SOX6: variants seen among roughly 807,000 people sequenced by gnomAD.
The protein encoded by SOX6 is SRY-box transcription factor 6.
In SOX6, 11 loss-of-function variants were observed where a neutral mutation model predicts 97.8. That is an observed-to-expected ratio of 0.11 (90% CI 0.07 to 0.19). The LOEUF (loss-of-function observed/expected upper bound fraction) is 0.19. Among genes scored for constraint, SOX6 ranks in the 10% least tolerant of loss-of-function variants. SOX6 has a pLI of 1.00. For missense variants in SOX6, 810 were observed against 1,039.5 expected (o/e 0.78, Z 3.04); for synonymous variants, 360 against 371.4 (o/e 0.97, Z 0.35).
At chr11:16,624,184 T>TTTTTTTTATTTATTTA (rs1554979379) in intron 3 of SOX6, among the ~76,000 whole-genome samples, 3 of 147,232 alleles carry the variant, frequency 2.0e-5, no homozygotes, top group Non-Finnish European at 3.0e-5. Flanking sequence ...TATTTTTTTA[T>TTTTTTTTATTTATTTA]TTTATTTATT....
At chr11:16,595,119 A>C (rs116539950) in intron 4 of SOX6, among the ~76,000 whole-genome samples, 1,689 of 152,136 alleles carry the variant, frequency 0.011, 23 homozygotes, top group African/African-American at 0.039. Flanking sequence ...GTTTTCTATA[A>C]ATTTCACGTC....
chr11:15,970,919 C>G lies in SOX6; in HGVS notation c.*1890G>C, dbSNP rs1447371549. On this transcript the variant is annotated 3_prime_UTR_variant, in exon 16 of 16. Coordinates refer to ENST00000683767, the MANE Select transcript of SOX6 (RefSeq NM_001367873.1). Reference sequence around the variant, plus strand: ...CTAAACCTCTCTGGGGGAAGCCCCCCGATAGACAACCTGTCCTAGTTTCAG... The same window carrying G: ...CTAAACCTCTCTGGGGGAAGCCCCCGGATAGACAACCTGTCCTAGTTTCAG... 6.6e-6 allele frequency: 1 copy of G among 152,580 alleles called. No homozygotes were observed. Among genetic ancestry groups the G allele is most frequent in the African/African-American group, 2.4e-5 (1 of 41,442 alleles). 9.5% of individuals were successfully genotyped at this position (152,580 alleles called of 1,614,324 possible). A position where few individuals can be genotyped will look rare whatever the true frequency, so the allele number is the denominator to read the frequency against.
intron 13 of SOX6, among the ~76,000 whole-genome samples, chr11:16,013,786 T>C (rs562172107): frequency 1.3e-5 from 2 of 152,136 alleles, no homozygotes; most frequent in African/African-American, 4.8e-5. Context: ...GGCTTCCTAA[T>C]GTCTAATACT....
chr11:16,056,146 A>T (rs996184907), intron 9 of SOX6, among the ~76,000 whole-genome samples: 7 of 151,992 alleles, frequency 4.6e-5, no homozygotes, highest in Non-Finnish European at 1.0e-4. Context: ...AAAGGATTTG[A>T]TCTCTTTAGA....
chr11:16,677,720 T>C (rs541132558), intron 3 of SOX6, among the ~76,000 whole-genome samples: 1 of 152,324 alleles, frequency 6.6e-6, no homozygotes, highest in Non-Finnish European at 1.5e-5. Context: ...GTCAGAGTAA[T>C]GCTAGCCTCA....
intron 8 of SOX6, among the ~76,000 whole-genome samples, chr11:16,096,798 A>G (rs1014323438): frequency 6.6e-6 from 1 of 151,930 alleles, no homozygotes; most frequent in Non-Finnish European, 1.5e-5. Flanking sequence ...TTTCTACTAT[A>G]TTGAAGTCAA....
At chr11:16,230,842 TA>T (rs1852826334) in intron 4 of SOX6, among the ~76,000 whole-genome samples, 1 of 151,724 alleles carries the variant, frequency 6.6e-6, no homozygotes, top group African/African-American at 2.4e-5. Flanking sequence ...AATAAAAGTT[TA>T]GATGGAAAAA....
intron 6 of SOX6, among the ~76,000 whole-genome samples, chr11:16,175,555 T>C (rs1238232960): frequency 1.3e-5 from 2 of 151,938 alleles, no homozygotes; most frequent in African/African-American, 2.4e-5. Context: ...ATAACACATC[T>C]TATTCTCTAC....
upstream of SOX6, among the ~76,000 whole-genome samples, chr11:16,359,065 G>C (rs1370187032): frequency 6.6e-6 from 1 of 150,962 alleles, no homozygotes; most frequent in East Asian, 1.9e-4. Flanking sequence ...AAAGTGATAG[G>C]ATAAGAAACC....
At chr11:16,436,786 G>C (rs766369490) in intron 1 of SOX6, among the ~76,000 whole-genome samples, 4 of 152,046 alleles carry the variant, frequency 2.6e-5, no homozygotes, top group Non-Finnish European at 5.9e-5. Flanking sequence ...ATGACACTTC[G>C]CTCTCATTTT....
chr11:16,730,262 G>A (rs1848339703), intron 2 of SOX6, among the ~76,000 whole-genome samples: 3 of 152,036 alleles, frequency 2.0e-5, no homozygotes, highest in Admixed American at 2.0e-4. Flanking sequence ...GACATCTACA[G>A]AACTCTCCAC....
At chr11:16,581,960 CAAAAAAAAA>C (rs35137027) in intron 4 of SOX6, among the ~76,000 whole-genome samples, 2 of 106,500 alleles carry the variant, frequency 1.9e-5, no homozygotes, top group Non-Finnish European at 2.0e-5. Flanking sequence ...GACTCCATCT[CAAAAAAAAA>C]AAAAAAAAGA....
chr11:16,512,751 T>C (rs746605732), intron 4 of SOX6, among the ~76,000 whole-genome samples: 24 of 152,218 alleles, frequency 1.6e-4, no homozygotes, highest in Non-Finnish European at 1.9e-4. Context: ...TTTGACAACT[T>C]CTGGCACAGG....
At chr11:16,201,843 C>A (rs1851949699) in intron 4 of SOX6, among the ~76,000 whole-genome samples, 1 of 135,384 alleles carries the variant, frequency 7.4e-6, no homozygotes, top group Non-Finnish European at 1.5e-5. Context: ...CCGTTTTAGC[C>A]GGGATGGTCT....
At chr11:16,136,046 G>A (rs1244907295) in intron 6 of SOX6, among the ~76,000 whole-genome samples, 2 of 152,030 alleles carry the variant, frequency 1.3e-5, no homozygotes, top group African/African-American at 2.4e-5. Flanking sequence ...TTGAGGTAGA[G>A]ACTTGCTGTG....
intron 3 of SOX6, among the ~76,000 whole-genome samples, chr11:16,675,458 T>G (rs1443278864): frequency 6.6e-6 from 1 of 152,356 alleles, no homozygotes; most frequent in South Asian, 2.1e-4. Context: ...GCCATAGATA[T>G]ACAATTATTG....
chr11:16,641,453 G>C (rs1205803393), intron 3 of SOX6, among the ~76,000 whole-genome samples: 3 of 152,178 alleles, frequency 2.0e-5, no homozygotes, highest in African/African-American at 7.2e-5. Flanking sequence ...TCAATTCCTG[G>C]ATATCCTTGT....
At chr11:16,737,482 AG>A (rs1372343554) in intron 1 of SOX6, among the ~76,000 whole-genome samples, 2 of 151,978 alleles carry the variant, frequency 1.3e-5, no homozygotes, top group African/African-American at 4.8e-5. Context: ...TGGGGATTAC[AG>A]GCCTGAGCCA....
chr11:16,633,363 A>T (rs1848740399), intron 3 of SOX6, among the ~76,000 whole-genome samples: 1 of 152,184 alleles, frequency 6.6e-6, no homozygotes, highest in African/African-American at 2.4e-5. Flanking sequence ...CTCTCTTTAT[A>T]TATTCTCTGA....
Sources: allele counts gnomAD v4.1 joint callset (sites outside exome capture counted in the v4.1 genomes callset), GRCh38; gene constraint gnomAD v4.1.1; transcripts MANE v1.5; gene names NCBI Gene and HGNC (gene_info 2026-07-23, HGNC 2026-07-21).